RARRES1: variants seen among roughly 807,000 people sequenced by gnomAD.
RARRES1 encodes retinoic acid receptor responder 1, also known as retinoic acid receptor responder protein 1.
Under a neutral mutation model 30.6 loss-of-function variants are expected in RARRES1, and 34 were observed. That is an observed-to-expected ratio of 1.11 (90% CI 0.84 to 1.48). The LOEUF (loss-of-function observed/expected upper bound fraction) is 1.48, where lower values mean the gene tolerates loss of function less well. Ranked by LOEUF, RARRES1 falls within the 40% of genes most tolerant of loss-of-function variation. The pLI, the probability that RARRES1 is intolerant of heterozygous loss-of-function variation, is 0.00. For missense variants in RARRES1, 373 were observed against 386.5 expected (o/e 0.97, Z 0.29); for synonymous variants, 153 against 155.5 (o/e 0.98, Z 0.12).
intron 2 of RARRES1, 58 bp downstream of exon 2, chr3:158,713,739 A>G: frequency 1.3e-6 from 2 of 1,482,264 alleles, no homozygotes; most frequent in East Asian, 2.3e-5. Context: ...TCACTTTTTT[A>G]CAAAGCCATA....
At chr3:158,709,830 C>T (rs1727050447) in intron 3 of RARRES1, among the ~76,000 whole-genome samples, 1 of 152,234 alleles carries the variant, frequency 6.6e-6, no homozygotes, top group South Asian at 2.1e-4. Flanking sequence ...TCCACACATT[C>T]TGGTGAGTGC....
chr3:158,726,500 C>T (rs148732150), intron 1 of RARRES1, among the ~76,000 whole-genome samples: 1 of 152,184 alleles, frequency 6.6e-6, no homozygotes, highest in African/African-American at 2.4e-5. Flanking sequence ...AAGCCAGCTG[C>T]TTTGCTCCCA....
intron 2 of RARRES1, among the ~76,000 whole-genome samples, chr3:158,712,887 C>G (rs1290599378): frequency 1.3e-5 from 2 of 152,230 alleles, no homozygotes; most frequent in African/African-American, 4.8e-5. Flanking sequence ...TGTATTCCCT[C>G]TAGCTTAACA....
chr3:158,708,937 A>G (rs1024459306), intron 3 of RARRES1, among the ~76,000 whole-genome samples: 8 of 152,162 alleles, frequency 5.3e-5, no homozygotes, highest in African/African-American at 1.9e-4. Flanking sequence ...GATTGCAGGC[A>G]TGAGCCACCG....
intron 4 of RARRES1, 101 bp downstream of exon 4, chr3:158,704,690 C>A (rs374807796): frequency 1.4e-6 from 2 of 1,463,784 alleles, no homozygotes; most frequent in South Asian, 1.5e-5. Context: ...AATGTGATTA[C>A]AACTCTTGAT....
Position 158,697,674 on chromosome 3 carries a change from C to G in RARRES1, c.*4G>C. ...AGAAGTCGGAAAAAGATCATTTTTT[C>G]TTTTTAGAAATTACTAAGCTCTGTT... On this transcript the variant is annotated 3_prime_UTR_variant, in exon 6 of 6. Coordinates refer to ENST00000237696, the MANE Select transcript of RARRES1 (RefSeq NM_206963.2). The G allele has an allele frequency of 1.2e-6, 2 of 1,600,530 alleles. No homozygotes were observed. Among genetic ancestry groups the G allele is most frequent in the South Asian group, 1.1e-5 (1 of 88,566 alleles).
intron 1 of RARRES1, among the ~76,000 whole-genome samples, chr3:158,718,199 T>C (rs1727387254): frequency 6.6e-6 from 1 of 152,066 alleles, no homozygotes; most frequent in South Asian, 2.1e-4. Flanking sequence ...AGGATGGTCT[T>C]GATCTCCTGA....
chr3:158,719,830 A>G (rs1006311134), intron 1 of RARRES1, among the ~76,000 whole-genome samples: 2 of 152,202 alleles, frequency 1.3e-5, no homozygotes, highest in African/African-American at 4.8e-5. Flanking sequence ...TCATCACACT[A>G]GATTTTATTT....
intron 1 of RARRES1, among the ~76,000 whole-genome samples, chr3:158,715,983 G>A (rs924954925): frequency 3.9e-5 from 6 of 152,190 alleles, no homozygotes; most frequent in Admixed American, 6.5e-5. Context: ...CTTGCCAGTG[G>A]GTTCTAAGCC....
Position 158,723,865 on chromosome 3 carries a change from C to T in RARRES1, c.276+8275G>A, listed in dbSNP as rs1325192709. 6.6e-6 allele frequency among the ~76,000 whole-genome samples: 1 copy of T among 152,186 alleles called. No homozygotes were observed. Among genetic ancestry groups the T allele is most frequent in the Non-Finnish European group, 1.5e-5 (1 of 68,036 alleles). ...GCCTGTCTCCCTGTTCCAGGTGCCT[C>T]AGTGATTTCAGCACCCTTCCAGCTA... On this transcript the variant is annotated intron_variant, in intron 1 of 5. Coordinates refer to ENST00000237696, the MANE Select transcript of RARRES1 (RefSeq NM_206963.2). The surrounding 1 kb of genome is among the most constrained non-coding windows in gnomAD (Gnocchi z 4.4).
At chr3:158,702,700 C>T (rs1726777857) in intron 4 of RARRES1, among the ~76,000 whole-genome samples, 2 of 152,122 alleles carry the variant, frequency 1.3e-5, no homozygotes, top group South Asian at 4.1e-4. Context: ...CAGTAAAAGC[C>T]TCTTGTTGAG....
chr3:158,713,873 A>T lies in RARRES1; in HGVS notation c.277-14T>A, dbSNP rs1273440533. The T allele has an allele frequency of 6.2e-7, 1 of 1,609,584 alleles. No homozygotes were observed. Among genetic ancestry groups the T allele is most frequent in the African/African-American group, 1.3e-5 (1 of 74,808 alleles). ...TTTTGGATTAATCTGGAACACAGAA[A>T]CTGAATCTTAGTATAGTAGAAGCTC... is the stretch of plus-strand genomic sequence containing the variant. On this transcript the variant is annotated splice_polypyrimidine_tract_variant and intron_variant, in intron 1 of 5. Coordinates refer to ENST00000237696, the MANE Select transcript of RARRES1 (RefSeq NM_206963.2).
chr3:158,703,623 T>G (rs1726808444), intron 4 of RARRES1, among the ~76,000 whole-genome samples: 1 of 152,156 alleles, frequency 6.6e-6, no homozygotes, highest in South Asian at 2.1e-4. Context: ...TGATAAGCTC[T>G]CCCTTCATTG....
chr3:158,710,021 G>T (rs895419403), intron 3 of RARRES1, among the ~76,000 whole-genome samples: 3 of 152,238 alleles, frequency 2.0e-5, no homozygotes, highest in Admixed American at 6.5e-5. Flanking sequence ...GAGCAGAGTA[G>T]TGGCTCTGGA....
intron 1 of RARRES1, among the ~76,000 whole-genome samples, chr3:158,727,526 C>T (rs914218699): frequency 5.3e-5 from 8 of 152,202 alleles, no homozygotes; most frequent in African/African-American, 1.7e-4. Flanking sequence ...AAATGCTCCA[C>T]GCAGAGCCAG....
chr3:158,718,443 T>C (rs1340941607), intron 1 of RARRES1, among the ~76,000 whole-genome samples: 4 of 152,180 alleles, frequency 2.6e-5, no homozygotes, highest in Non-Finnish European at 5.9e-5. Flanking sequence ...CATTAGTAAT[T>C]ACAGAAATAC....
Position 158,697,596 on chromosome 3 carries a change from T to C in RARRES1, c.*82A>G. Reference sequence around the variant, plus strand: ...TTTTCCCAAATTATTAGAATGTCTATACCTTAGCTGTTTTACTAGAAGAAT... The same window carrying C: ...TTTTCCCAAATTATTAGAATGTCTACACCTTAGCTGTTTTACTAGAAGAAT... On this transcript the variant is annotated 3_prime_UTR_variant, in exon 6 of 6. Coordinates refer to ENST00000237696, the MANE Select transcript of RARRES1 (RefSeq NM_206963.2). 2.9e-6 allele frequency: 4 copies of C among 1,381,468 alleles called. No individual in the cohort carries two copies. The highest frequency in any genetic ancestry group is 4.0e-6 in the Non-Finnish European group (4 of 1,003,572). 85.6% of individuals were successfully genotyped at this position (1,381,468 alleles called of 1,614,324 possible).
At chr3:158,716,496 G>C (rs1393724268) in intron 1 of RARRES1, among the ~76,000 whole-genome samples, 6 of 152,232 alleles carry the variant, frequency 3.9e-5, no homozygotes, top group Non-Finnish European at 8.8e-5. Flanking sequence ...TGGAGGCAAA[G>C]TGAGAAGGGC....
intron 2 of RARRES1, among the ~76,000 whole-genome samples, chr3:158,712,381 G>C (rs1727164582): frequency 6.6e-6 from 1 of 151,996 alleles, no homozygotes; most frequent in Admixed American, 6.6e-5. Context: ...GCAAGACCCT[G>C]CCTCAAAAAG....
Sources: allele counts gnomAD v4.1 joint callset (sites outside exome capture counted in the v4.1 genomes callset), GRCh38; gene constraint gnomAD v4.1.1; non-coding constraint Gnocchi (gnomAD v3.1); transcripts MANE v1.5; gene names NCBI Gene and HGNC (gene_info 2026-07-23, HGNC 2026-07-21).